The following VAV2 variants were observed in gnomAD, a reference collection of about 807,000 sequenced individuals.
The protein encoded by VAV2 is guanine nucleotide exchange factor VAV2.
In VAV2, 67 loss-of-function variants were observed where a neutral mutation model predicts 132.5. The observed-to-expected ratio is 0.51, with a 90% CI of 0.42 to 0.62. VAV2 has a LOEUF of 0.62. VAV2 is among the 20% of genes least tolerant of loss of function. VAV2 has a pLI of 0.00. For synonymous variants in VAV2, 492 were observed against 443.5 expected (o/e 1.11, Z -1.37); for missense variants, 938 against 1,153.6 (o/e 0.81, Z 2.71).
intron 2 of VAV2, among the ~76,000 whole-genome samples, chr9:133,908,325 G>T (rs1839749822): frequency 6.6e-6 from 1 of 152,090 alleles, no homozygotes; most frequent in Admixed American, 6.5e-5. Context: ...TAGAAACTGA[G>T]ACTTCGTTCC....
At chr9:133,892,821 G>A (rs781083683) in intron 2 of VAV2, among the ~76,000 whole-genome samples, 4 of 152,192 alleles carry the variant, frequency 2.6e-5, no homozygotes, top group Non-Finnish European at 5.9e-5. Context: ...GACGAGAAAA[G>A]CGGACCTGGC....
chr9:133,955,384 G>A (rs1300248572), intron 1 of VAV2, among the ~76,000 whole-genome samples: 1 of 132,400 alleles, frequency 7.6e-6, no homozygotes, highest in African/African-American at 2.9e-5. Context: ...CTTACTCCCC[G>A]CCCACGCTCC....
chr9:133,770,153 GAC>G (rs1228306048), intron 27 of VAV2, among the ~76,000 whole-genome samples: 2 of 152,224 alleles, frequency 1.3e-5, no homozygotes, highest in Non-Finnish European at 1.5e-5. Flanking sequence ...AAGAAGCCAA[GAC>G]ACAGAGTAGC....
chr9:133,910,400 T>A (rs1003911579), intron 2 of VAV2, among the ~76,000 whole-genome samples: 4 of 152,146 alleles, frequency 2.6e-5, no homozygotes, highest in African/African-American at 9.7e-5. Flanking sequence ...ATGGAGGCAC[T>A]GGACTGAAGG....
At position 133,802,954 on chromosome 9, in the gene VAV2, CTTCA is replaced by C. The variant is rs1397996212; in HGVS notation, c.836+3123_836+3126del. Among the ~76,000 whole-genome samples, 4 of 152,226 alleles carry C rather than the reference CTTCA, an allele frequency of 2.6e-5. No homozygotes were observed. The highest frequency in any genetic ancestry group is 2.6e-4 in the Admixed American group (4 of 15,284). The stretch of plus-strand genomic sequence containing the variant: ...CAGAGCGGGAGCTGAGGCTTCTTGA[CTTCA>C]GAGGTTCCCAAAGGCAGCCCTGCCA... On this transcript the variant is annotated intron_variant, in intron 9 of 29. Transcript: ENST00000371850. The surrounding 1 kb of genome is among the most constrained non-coding windows in gnomAD (Gnocchi z 5.8).
chr9:133,941,243 A>G (rs147254114), intron 1 of VAV2, among the ~76,000 whole-genome samples: 2,749 of 152,138 alleles, frequency 0.018, 31 homozygotes, highest in Non-Finnish European at 0.025. Flanking sequence ...CCCTGTCTCT[A>G]CTAAAAATAC....
At chr9:133,776,948 T>C (rs1226403984) in intron 23 of VAV2, among the ~76,000 whole-genome samples, 2 of 152,190 alleles carry the variant, frequency 1.3e-5, no homozygotes, top group Non-Finnish European at 2.9e-5. Context: ...ATCCCTCAGA[T>C]GAAAGAAATA....
At chr9:133,943,921 C>T (rs1184329375) in intron 1 of VAV2, among the ~76,000 whole-genome samples, 1 of 152,268 alleles carries the variant, frequency 6.6e-6, no homozygotes, top group African/African-American at 2.4e-5. Flanking sequence ...AGTCGCCCAC[C>T]TCCCCAGGTT....
intron 4 of VAV2, among the ~76,000 whole-genome samples, chr9:133,831,723 G>C (rs1430277311): frequency 6.6e-6 from 1 of 152,228 alleles, no homozygotes; most frequent in Non-Finnish European, 1.5e-5. Flanking sequence ...TTTCTGGAGA[G>C]CACAGAATCC....
In VAV2 at chr9:133,824,995, TCA is replaced by T. The variant is rs1375368872; in HGVS notation, c.449+9275_449+9276del. ...TGCCAGTCCCCACAGAGGCCTGGCC[TCA>T]CAGAGTCACACCGAGGAGCAAGAGA... On this transcript the variant is annotated intron_variant, in intron 4 of 29. Coordinates refer to ENST00000371850, the MANE Select transcript of VAV2 (RefSeq NM_001134398.2). This position sits in a 1 kb window ranked among gnomAD's most constrained non-coding sequence, Gnocchi z 5.2. Among the ~76,000 whole-genome samples the T allele has an allele frequency of 6.6e-6, 1 of 152,206 alleles. No homozygotes were observed. Among genetic ancestry groups the T allele is most frequent in the African/African-American group, 2.4e-5 (1 of 41,450 alleles).
At chr9:133,850,335 T>G (rs1837117037) in intron 3 of VAV2, among the ~76,000 whole-genome samples, 1 of 152,188 alleles carries the variant, frequency 6.6e-6, no homozygotes, top group African/African-American at 2.4e-5. Context: ...AGCTGCAGTG[T>G]GTTCACCTGC....
At chr9:133,808,944 T>A (rs1835257123) in intron 7 of VAV2, 96 bp downstream of exon 7, 1 of 1,173,232 alleles carries the variant, frequency 8.5e-7, no homozygotes, top group African/African-American at 1.5e-5. Flanking sequence ...AGAGGCCCTA[T>A]GGCCCTGCCT....
At chr9:133,858,953 C>T (rs902694289) in intron 3 of VAV2, among the ~76,000 whole-genome samples, 5 of 152,224 alleles carry the variant, frequency 3.3e-5, no homozygotes, top group Non-Finnish European at 7.3e-5. Context: ...GCAGGTTTCC[C>T]TGTACATCTG....
At chr9:133,829,621 G>A (rs139278545) in intron 4 of VAV2, among the ~76,000 whole-genome samples, 4 of 152,260 alleles carry the variant, frequency 2.6e-5, no homozygotes, top group African/African-American at 9.6e-5. Flanking sequence ...TGAATATGCT[G>A]GGTTAACTAT....
chr9:133,923,286 C>A (rs918824657), intron 2 of VAV2, among the ~76,000 whole-genome samples: 4 of 152,056 alleles, frequency 2.6e-5, no homozygotes, highest in Admixed American at 2.6e-4. Context: ...GGAGTTTCCT[C>A]AAAAAATTAG....
Position 133,806,188 on chromosome 9 carries a change from T to A in VAV2, c.736-7A>T. The A allele has an allele frequency of 1.2e-6, 2 of 1,609,802 alleles. No homozygotes were observed. The highest frequency in any genetic ancestry group is 8.5e-7 in the Non-Finnish European group (1 of 1,178,866). On this transcript the variant is annotated splice_region_variant and splice_polypyrimidine_tract_variant and intron_variant, in intron 8 of 29. Coordinates refer to ENST00000371850, the MANE Select transcript of VAV2 (RefSeq NM_001134398.2). ...GATGCACCTTGATCAGGTCCTGGGT[T>A]GAAAACCAGCCGTGAGTGCCTGGCC... is the stretch of plus-strand genomic sequence containing the variant.
chr9:133,773,426 T>G (rs1263692364), intron 25 of VAV2, among the ~76,000 whole-genome samples: 1 of 152,260 alleles, frequency 6.6e-6, no homozygotes, highest in African/African-American at 2.4e-5. Flanking sequence ...GACATTGCTG[T>G]GCACCACTGT....
intron 1 of VAV2, among the ~76,000 whole-genome samples, chr9:133,954,225 GA>G (rs951179812): frequency 2.6e-5 from 4 of 152,186 alleles, no homozygotes; most frequent in African/African-American, 9.7e-5. Flanking sequence ...AGGGATTTCT[GA>G]GAAGCGGCAT....
chr9:133,871,420 GGACA>G lies in VAV2; in HGVS notation c.322-9992_322-9989del, dbSNP rs1305817261. Among the ~76,000 whole-genome samples, 5 of 149,662 alleles carry G rather than the reference GGACA, an allele frequency of 3.3e-5. 1 individual carries two copies. Among genetic ancestry groups the G allele is most frequent in the South Asian group, 2.1e-4 (1 of 4,722 alleles). On this transcript the variant is annotated intron_variant, in intron 2 of 29. Coordinates refer to ENST00000371850, the MANE Select transcript of VAV2 (RefSeq NM_001134398.2). Reference sequence around the variant, plus strand: ...TGGACGGACGGATGGATGGATGGATGGACAGATGGATGGATTGATTGATGGATGG... The same window carrying G: ...TGGACGGACGGATGGATGGATGGATGGATGGATGGATTGATTGATGGATGG...
Sources: allele counts gnomAD v4.1 joint callset (sites outside exome capture counted in the v4.1 genomes callset), GRCh38; gene constraint gnomAD v4.1.1; non-coding constraint Gnocchi (gnomAD v3.1); transcripts MANE v1.5; gene names NCBI Gene and HGNC (gene_info 2026-07-23, HGNC 2026-07-21).